C8orf34: variants seen among roughly 807,000 people sequenced by gnomAD.
C8orf34 encodes the protein chromosome 8 open reading frame 34, also known as uncharacterized protein C8orf34.
C8orf34 carries 65 observed loss-of-function variants against 68.3 expected under a neutral mutation model. That is an observed-to-expected ratio of 0.95 (90% CI 0.78 to 1.17). The LOEUF (loss-of-function observed/expected upper bound fraction) is 1.17. Among genes scored for constraint, C8orf34 ranks in the 50% most tolerant of loss-of-function variants. The pLI is 0.00. For missense variants in C8orf34, 664 were observed against 655.4 expected, an observed-to-expected ratio of 1.01 and a Z score of -0.14; for synonymous variants, 244 against 241.2, an observed-to-expected ratio of 1.01 and a Z score of -0.11.
chr8:68,492,315 G>A (rs1209423069), intron 5 of C8orf34, among the ~76,000 whole-genome samples: 4 of 151,982 alleles, frequency 2.6e-5, no homozygotes, highest in Middle Eastern at 3.2e-3. Flanking sequence ...CTGCAATCTC[G>A]ATCTCCTGGG....
intron 12 of C8orf34, among the ~76,000 whole-genome samples, chr8:68,802,623 C>T (rs1195812836): frequency 6.6e-5 from 10 of 151,970 alleles, no homozygotes; most frequent in African/African-American, 1.7e-4. Context: ...CTCAGCCTCC[C>T]GAGTAGCTGG....
chr8:68,806,125 C>T (rs1482035588), intron 12 of C8orf34, among the ~76,000 whole-genome samples: 3 of 152,014 alleles, frequency 2.0e-5, no homozygotes, highest in Admixed American at 1.3e-4. Flanking sequence ...CTTTGTATCT[C>T]TTCATCCCGA....
intron 7 of C8orf34, among the ~76,000 whole-genome samples, chr8:68,544,231 C>T (rs148659613): frequency 6.6e-6 from 1 of 152,242 alleles, no homozygotes; most frequent in Non-Finnish European, 1.5e-5. Flanking sequence ...CTTATTGTGT[C>T]TGAGAAGTGA....
chr8:68,721,293 T>C, intron 9 of C8orf34, 68 bp from the exon 10 acceptor site: 1 of 1,013,098 alleles, frequency 9.9e-7, no homozygotes, highest in Non-Finnish European at 1.5e-6. Flanking sequence ...TCACAACAGG[T>C]TTATATATCA....
intron 5 of C8orf34, among the ~76,000 whole-genome samples, chr8:68,492,541 A>T (rs1813359825): frequency 6.6e-6 from 1 of 152,084 alleles, no homozygotes; most frequent in Non-Finnish European, 1.5e-5. Context: ...GATTTCTAAG[A>T]CTAGAATTAA....
At chr8:68,768,401 G>A (rs997601847) in intron 10 of C8orf34, among the ~76,000 whole-genome samples, 1 of 152,156 alleles carries the variant, frequency 6.6e-6, no homozygotes, top group Admixed American at 6.5e-5. Flanking sequence ...GCTGCTCATT[G>A]CCCCTGAGTT....
intron 8 of C8orf34, among the ~76,000 whole-genome samples, chr8:68,675,578 AAC>A (rs1554595424): frequency 2.6e-5 from 4 of 151,906 alleles, no homozygotes; most frequent in Admixed American, 6.6e-5. Flanking sequence ...ATAAAAAAAA[AAC>A]ACACACAAAA....
chr8:68,774,389 C>A (rs10099614), intron 10 of C8orf34, among the ~76,000 whole-genome samples: 47,571 of 145,376 alleles, frequency 0.33, 8,411 homozygotes, highest in African/African-American at 0.44. Context: ...GAAATAAGTT[C>A]TCAGCTTTCT....
intron 1 of C8orf34, among the ~76,000 whole-genome samples, chr8:68,427,204 T>G (rs1339422001): frequency 6.6e-6 from 1 of 152,108 alleles, no homozygotes; most frequent in East Asian, 1.9e-4. Flanking sequence ...CCTAAAGAAA[T>G]GAAACCTCAT....
At chr8:68,368,959 T>C (rs1255460491) in intron 1 of C8orf34, among the ~76,000 whole-genome samples, 1 of 152,218 alleles carries the variant, frequency 6.6e-6, no homozygotes, top group Non-Finnish European at 1.5e-5. Context: ...GATGTATATG[T>C]AACTTAAAAT....
At chr8:68,710,791 G>T (rs1004573749) in intron 9 of C8orf34, among the ~76,000 whole-genome samples, 5 of 152,024 alleles carry the variant, frequency 3.3e-5, no homozygotes, top group Non-Finnish European at 1.5e-5. Context: ...GTGTTCCTAG[G>T]GCAAGTTTGC....
Position 68,547,250 on chromosome 8 carries a change from A to G in C8orf34, c.1105+14101A>G, listed in dbSNP as rs143362743. On this transcript the variant is annotated intron_variant, in intron 7 of 13. Coordinates refer to ENST00000518698, the MANE Select transcript of C8orf34 (RefSeq NM_052958.4). ...CAAAGGATAACAAAAGACTATTACA[A>G]ACAAATGTATGCCAGCAAATTTGCC... Among the ~76,000 whole-genome samples the G allele has an allele frequency of 7.2e-4, 110 of 151,936 alleles. 1 individual carries two copies. Among genetic ancestry groups the G allele is most frequent in the African/African-American group, 2.5e-3 (103 of 41,548 alleles).
intron 7 of C8orf34, among the ~76,000 whole-genome samples, chr8:68,553,865 G>A (rs888655575): frequency 1.8e-4 from 18 of 100,440 alleles, no homozygotes; most frequent in African/African-American, 6.3e-4. Context: ...TTTATTCTAT[G>A]CCACAACAAA....
chr8:68,674,730 G>T (rs191500491), intron 8 of C8orf34, among the ~76,000 whole-genome samples: 1 of 152,138 alleles, frequency 6.6e-6, no homozygotes, highest in African/African-American at 2.4e-5. Flanking sequence ...TTTATTCAAA[G>T]GGATAATATC....
intron 1 of C8orf34, among the ~76,000 whole-genome samples, chr8:68,365,639 C>A (rs1379263210): frequency 1.3e-5 from 1 of 74,858 alleles, no homozygotes; most frequent in Non-Finnish European, 2.4e-5. Context: ...GAACCAAAGT[C>A]AAAAACCACA....
intron 7 of C8orf34, among the ~76,000 whole-genome samples, chr8:68,575,910 GCTTAC>G (rs1378599210): frequency 6.9e-6 from 1 of 145,478 alleles, no homozygotes; most frequent in Non-Finnish European, 1.5e-5. Context: ...CATAATATAT[GCTTAC>G]TTTTTGGTAT....
chr8:68,651,764 G>C (rs934220703), intron 8 of C8orf34, among the ~76,000 whole-genome samples: 2 of 152,154 alleles, frequency 1.3e-5, no homozygotes, highest in Non-Finnish European at 2.9e-5. Flanking sequence ...GGGGAGGTTT[G>C]GCGAGGGTGA....
intron 3 of C8orf34, among the ~76,000 whole-genome samples, chr8:68,457,065 G>T (rs973047556): frequency 1.8e-4 from 27 of 152,024 alleles, no homozygotes; most frequent in African/African-American, 6.0e-4. Flanking sequence ...TAAATATGTT[G>T]GTTTAGGTTA....
intron 1 of C8orf34, among the ~76,000 whole-genome samples, chr8:68,434,049 A>AATAATTAC (rs1358104664): frequency 2.0e-5 from 3 of 152,292 alleles, no homozygotes; most frequent in African/African-American, 7.2e-5. Context: ...ATTTTCACTC[A>AATAATTAC]ATAATTACAT....
Sources: gnomAD v4.1 joint callset for allele counts (sites outside exome capture counted in the v4.1 genomes callset) on GRCh38, gnomAD v4.1.1 for gene constraint, MANE v1.5 for transcripts, NCBI Gene and HGNC (gene_info 2026-07-23, HGNC 2026-07-21) for gene names.